SV2C: variants seen among roughly 807,000 people sequenced by gnomAD.
The protein encoded by SV2C is synaptic vesicle glycoprotein 2C, also known as solute carrier family 22 member B3.
SV2C carries 49 observed loss-of-function variants against 79.7 expected under a neutral mutation model. The ratio of observed to expected loss-of-function variants is 0.61; its 90% CI spans 0.49 to 0.78. The LOEUF (loss-of-function observed/expected upper bound fraction) is 0.78. SV2C is among the 30% of genes least tolerant of loss of function. The probability of loss-of-function intolerance (pLI) is 0.00; values close to 1 mark genes in which losing one functional copy is unlikely to be tolerated. For synonymous variants in SV2C, 334 were observed against 333.2 expected (o/e 1.00, Z -0.03); for missense variants, 833 against 912.9 (o/e 0.91, Z 1.13).
intron 6 of SV2C, among the ~76,000 whole-genome samples, chr5:76,289,602 A>G (rs1747483936): frequency 6.6e-6 from 1 of 151,760 alleles, no homozygotes; most frequent in South Asian, 2.1e-4. Flanking sequence ...CTATTATTCC[A>G]CCTCCTAAAT....
At chr5:76,167,647 A>G (rs190886814) in intron 2 of SV2C, among the ~76,000 whole-genome samples, 1 of 152,346 alleles carries the variant, frequency 6.6e-6, no homozygotes, top group East Asian at 1.9e-4. Context: ...TCTTGATTTT[A>G]CAATTGATGA....
chr5:76,216,909 G>T (rs1744920388), intron 4 of SV2C, among the ~76,000 whole-genome samples: 1 of 152,342 alleles, frequency 6.6e-6, no homozygotes. Context: ...CTGCTAGACT[G>T]CGGCACTGTC....
the SV2C span, chr5:76,075,960 T>A: frequency 5.4e-6 from 1 of 183,870 alleles, no homozygotes; most frequent in East Asian, 1.6e-4. Flanking sequence ...TATTTTCCAA[T>A]TAGTTATGTA....
At chr5:76,113,808 A>G (rs1226199426) in intron 1 of SV2C, among the ~76,000 whole-genome samples, 1 of 152,182 alleles carries the variant, frequency 6.6e-6, no homozygotes, top group Non-Finnish European at 1.5e-5. Context: ...AATGACAATA[A>G]AGAGAAGGTT....
At chr5:76,150,833 C>T (rs1284291504) in intron 2 of SV2C, among the ~76,000 whole-genome samples, 6 of 151,162 alleles carry the variant, frequency 4.0e-5, no homozygotes, top group African/African-American at 1.5e-4. Flanking sequence ...GAGATGGGGG[C>T]CTCTCTTTGT....
chr5:75,991,588 C>CATATATATATATATATAT, the SV2C span, among the ~76,000 whole-genome samples: 1 of 137,806 alleles, frequency 7.3e-6, no homozygotes, highest in African/African-American at 2.8e-5. Flanking sequence ...TATATATACA[C>CATATATATATATATATAT]ACATATATAT....
chr5:76,235,350 A>G (rs982275179), intron 4 of SV2C, among the ~76,000 whole-genome samples: 2 of 152,160 alleles, frequency 1.3e-5, no homozygotes, highest in Admixed American at 1.3e-4. Flanking sequence ...TGGTTATGTT[A>G]TGGATTTTTC....
the SV2C span, among the ~76,000 whole-genome samples, chr5:75,992,075 G>T: frequency 6.6e-6 from 1 of 151,750 alleles, no homozygotes; most frequent in Non-Finnish European, 1.5e-5. Flanking sequence ...TTTCAATTGG[G>T]TTTATGGTAT....
At chr5:76,141,036 C>T (rs114310908) in intron 2 of SV2C, among the ~76,000 whole-genome samples, 8,652 of 152,240 alleles carry the variant, frequency 0.057, 308 homozygotes, top group Non-Finnish European at 0.076. Flanking sequence ...TAATTTATCG[C>T]CATTATGGTC....
chr5:75,938,181 T>TTTATA, the SV2C span, among the ~76,000 whole-genome samples: 1 of 152,210 alleles, frequency 6.6e-6, no homozygotes, highest in Admixed American at 6.5e-5. Flanking sequence ...TTTCTCATAG[T>TTTATA]TTATATACAG....
chr5:76,045,884 G>C, the SV2C span, among the ~76,000 whole-genome samples: 1 of 152,126 alleles, frequency 6.6e-6, no homozygotes, highest in Admixed American at 6.5e-5. Context: ...ATGGTTAATA[G>C]GTTTAGTAGG....
At chr5:75,975,592 G>A in the SV2C span, among the ~76,000 whole-genome samples, 1 of 152,196 alleles carries the variant, frequency 6.6e-6, no homozygotes, top group African/African-American at 2.4e-5. Flanking sequence ...ATACACTTCA[G>A]AGAGGGATTA....
At chr5:76,073,220 C>A in the SV2C span, among the ~76,000 whole-genome samples, 4 of 151,948 alleles carry the variant, frequency 2.6e-5, no homozygotes, top group African/African-American at 9.7e-5. Context: ...TGTATGGTTT[C>A]AGGTCTTAGA....
the SV2C span, among the ~76,000 whole-genome samples, chr5:75,848,704 G>T: frequency 3.9e-5 from 6 of 152,234 alleles, no homozygotes; most frequent in Admixed American, 2.6e-4. Context: ...GGGTTGGGGG[G>T]TGTGTATGGG....
chr5:75,918,281 A>G, the SV2C span, among the ~76,000 whole-genome samples: 1 of 152,252 alleles, frequency 6.6e-6, no homozygotes, highest in African/African-American at 2.4e-5. Flanking sequence ...ACTTTGGTAA[A>G]TACAACGATT....
At chr5:76,203,192 A>C (rs1744505264) in intron 3 of SV2C, among the ~76,000 whole-genome samples, 1 of 152,054 alleles carries the variant, frequency 6.6e-6, no homozygotes, top group Non-Finnish European at 1.5e-5. Flanking sequence ...AGCCATATGC[A>C]CTCTTTAGAA....
At chr5:76,253,385 G>A (rs867088949) in intron 4 of SV2C, among the ~76,000 whole-genome samples, 10 of 152,022 alleles carry the variant, frequency 6.6e-5, no homozygotes, top group African/African-American at 1.4e-4. Flanking sequence ...TCGGTCTCCC[G>A]GGCTCAAGCG....
chr5:76,221,024 G>A (rs982058626), intron 4 of SV2C, among the ~76,000 whole-genome samples: 2 of 152,160 alleles, frequency 1.3e-5, no homozygotes, highest in Admixed American at 6.5e-5. Flanking sequence ...GTGTAGAGTG[G>A]ACACAGGGAG....
At chr5:76,087,021 A>G (rs1449607480) in intron 1 of SV2C, among the ~76,000 whole-genome samples, 1 of 152,206 alleles carries the variant, frequency 6.6e-6, no homozygotes, top group Admixed American at 6.5e-5. Flanking sequence ...GGAAATAGAG[A>G]AATATATGAT....
Sources: gnomAD v4.1 joint callset for allele counts (sites outside exome capture counted in the v4.1 genomes callset) on GRCh38, gnomAD v4.1.1 for gene constraint, MANE v1.5 for transcripts, NCBI Gene and HGNC (gene_info 2026-07-23, HGNC 2026-07-21) for gene names.